Variants in PARD3 observed in about 807,000 individuals in gnomAD.
The protein encoded by PARD3 is par-3 family cell polarity regulator, also known as partitioning defective 3 homolog.
A neutral mutation model predicts 155.4 loss-of-function variants in PARD3; 75 were observed. That is an observed-to-expected ratio of 0.48 (90% CI 0.40 to 0.58). The LOEUF (loss-of-function observed/expected upper bound fraction) is 0.58, where lower values mean the gene tolerates loss of function less well. Among genes scored for constraint, PARD3 ranks in the 20% least tolerant of loss-of-function variants. The pLI, the probability that PARD3 is intolerant of heterozygous loss-of-function variation, is 0.00. For missense variants in PARD3, 1,642 were observed against 1,721.7 expected, an observed-to-expected ratio of 0.95 and a Z score of 0.82; for synonymous variants, 576 against 610.5, an observed-to-expected ratio of 0.94 and a Z score of 0.83.
At position 34,243,442 on chromosome 10, in the gene PARD3, ATGT is replaced by A. The variant is rs1364033719; in HGVS notation, c.3419+26212_3419+26214del. On this transcript the variant is annotated intron_variant, in intron 22 of 24. Coordinates refer to ENST00000374788, the MANE Select transcript of PARD3 (RefSeq NM_001184785.2). ...AATTCCATTTAAAATAAACTCCGAGATGTTGTCCAATATTTTATGATGTGCTAA... is the reference window on the plus strand; with the variant it reads ...AATTCCATTTAAAATAAACTCCGAGATGTCCAATATTTTATGATGTGCTAA... 5.9e-5 allele frequency among the ~76,000 whole-genome samples: 9 copies of A among 152,324 alleles called. No homozygotes were observed. In the East Asian group the frequency reaches 1.7e-3, roughly 29 times the overall value.
At chr10:34,553,104 C>T (rs2084718265) in intron 2 of PARD3, among the ~76,000 whole-genome samples, 1 of 152,168 alleles carries the variant, frequency 6.6e-6, no homozygotes, top group Non-Finnish European at 1.5e-5. Context: ...CTGGCAGAGA[C>T]TTAGCAGAAC....
intron 11 of PARD3, among the ~76,000 whole-genome samples, chr10:34,374,343 C>A (rs1485970433): frequency 6.6e-6 from 1 of 152,102 alleles, no homozygotes; most frequent in Non-Finnish European, 1.5e-5. Flanking sequence ...GTAACATGAC[C>A]TATATTTGTA....
chr10:34,186,226 A>T (rs1161962616), intron 22 of PARD3, among the ~76,000 whole-genome samples: 1 of 152,066 alleles, frequency 6.6e-6, no homozygotes, highest in Admixed American at 6.6e-5. Flanking sequence ...CGGACGGGGT[A>T]GCTCACGCCT....
At chr10:34,180,640 T>A (rs1020973538) in intron 22 of PARD3, among the ~76,000 whole-genome samples, 4 of 152,150 alleles carry the variant, frequency 2.6e-5, no homozygotes, top group African/African-American at 9.7e-5. Flanking sequence ...ACCTCAAAAA[T>A]TCACATACCA....
chr10:34,694,186 G>A (rs1037001597), intron 2 of PARD3, among the ~76,000 whole-genome samples: 6 of 151,612 alleles, frequency 4.0e-5, no homozygotes, highest in Non-Finnish European at 7.4e-5. Context: ...AAAGAAGGAC[G>A]AAGAAGAAGG....
At chr10:34,238,591 T>TA (rs577622260) in intron 22 of PARD3, among the ~76,000 whole-genome samples, 9 of 150,274 alleles carry the variant, frequency 6.0e-5, no homozygotes, top group Admixed American at 2.0e-4. Context: ...TACATGCCCT[T>TA]AAAAAAAAAG....
chr10:34,310,717 C>T (rs886342736), intron 20 of PARD3, among the ~76,000 whole-genome samples: 1 of 152,186 alleles, frequency 6.6e-6, no homozygotes, highest in Non-Finnish European at 1.5e-5. Context: ...TCTTTGCTAG[C>T]AGGTCAGTTG....
chr10:34,681,770 T>TA (rs1564500809), intron 2 of PARD3, among the ~76,000 whole-genome samples: 40 of 14,496 alleles, frequency 2.8e-3, no homozygotes, highest in Non-Finnish European at 3.8e-3. Context: ...ATATATATAT[T>TA]TTTTTTTTTT....
intron 20 of PARD3, among the ~76,000 whole-genome samples, chr10:34,303,466 C>T (rs1452393731): frequency 3.1e-5 from 3 of 97,446 alleles, no homozygotes; most frequent in Non-Finnish European, 6.2e-5. Context: ...TTAAGACCTC[C>T]ATTCCAAAAA....
At chr10:34,217,353 C>A (rs1369628814) in intron 22 of PARD3, among the ~76,000 whole-genome samples, 1 of 151,646 alleles carries the variant, frequency 6.6e-6, no homozygotes, top group East Asian at 1.9e-4. Context: ...CTTGAATTAT[C>A]AAAAAAGGAA....
At chr10:34,344,695 A>G in intron 15 of PARD3, 16 of 985,444 alleles carry the variant, frequency 1.6e-5, no homozygotes, top group Non-Finnish European at 1.8e-5. Flanking sequence ...TTACTTTCTG[A>G]TGAATGTCCA....
At chr10:34,685,696 C>T (rs1376047987) in intron 2 of PARD3, among the ~76,000 whole-genome samples, 3 of 151,750 alleles carry the variant, frequency 2.0e-5, no homozygotes, top group Non-Finnish European at 2.9e-5. Flanking sequence ...TGGCCCTACA[C>T]GATTCTCATG....
intron 22 of PARD3, among the ~76,000 whole-genome samples, chr10:34,152,705 T>C (rs1456931060): frequency 6.6e-6 from 1 of 152,220 alleles, no homozygotes; most frequent in Non-Finnish European, 1.5e-5. Context: ...TCCCAGATAA[T>C]TGATAGAACT....
intron 1 of PARD3, among the ~76,000 whole-genome samples, chr10:34,740,089 G>A (rs1249445032): frequency 1.3e-5 from 2 of 152,204 alleles, no homozygotes; most frequent in East Asian, 1.9e-4. Flanking sequence ...ACACAAAGGC[G>A]ACAGCTGGTG....
intron 5 of PARD3, among the ~76,000 whole-genome samples, chr10:34,438,700 C>T (rs2076311046): frequency 6.6e-6 from 1 of 151,980 alleles, no homozygotes; most frequent in Admixed American, 6.6e-5. Context: ...GACAGCAAAA[C>T]AGACAGAAAG....
chr10:34,581,238 T>C (rs868382573), intron 2 of PARD3, among the ~76,000 whole-genome samples: 9 of 135,414 alleles, frequency 6.6e-5, no homozygotes, highest in Non-Finnish European at 1.3e-4. Flanking sequence ...TCTTTTCTTT[T>C]TTTTTTTTTT....
chr10:34,764,341 G>A (rs913671752), intron 1 of PARD3, among the ~76,000 whole-genome samples: 7 of 152,118 alleles, frequency 4.6e-5, no homozygotes, highest in African/African-American at 7.2e-5. Context: ...GCCCGCCTAC[G>A]TACTTTAGCC....
chr10:34,407,110 G>T (rs2132259340), intron 5 of PARD3, among the ~76,000 whole-genome samples: 1 of 152,292 alleles, frequency 6.6e-6, no homozygotes, highest in African/African-American at 2.4e-5. Context: ...GACATTTAGG[G>T]AGAAAGACGG....
intron 2 of PARD3, among the ~76,000 whole-genome samples, chr10:34,694,470 CTTTTTTTTTTTTTT>C (rs34628015): frequency 1.9e-4 from 19 of 101,922 alleles, no homozygotes; most frequent in Non-Finnish European, 3.5e-4. Flanking sequence ...AAAACTTCTG[CTTTTTTTTTTTTTT>C]TTTTTTTTTT....
Sources: allele counts gnomAD v4.1 joint callset (sites outside exome capture counted in the v4.1 genomes callset), GRCh38; gene constraint gnomAD v4.1.1; transcripts MANE v1.5; gene names NCBI Gene and HGNC (gene_info 2026-07-23, HGNC 2026-07-21).